DNAJC1: variants seen among roughly 807,000 people sequenced by gnomAD.
DNAJC1 encodes dnaJ homolog subfamily C member 1.
DNAJC1 carries 58 observed loss-of-function variants against 76.6 expected under a neutral mutation model. The ratio of observed to expected loss-of-function variants is 0.76; its 90% CI spans 0.61 to 0.94. The LOEUF (loss-of-function observed/expected upper bound fraction) is 0.94, where lower values mean the gene tolerates loss of function less well. DNAJC1 is among the 40% of genes least tolerant of loss of function. The probability of loss-of-function intolerance (pLI) is 0.00; values close to 1 mark genes in which losing one functional copy is unlikely to be tolerated. For missense variants in DNAJC1, 689 were observed against 677.3 expected, an observed-to-expected ratio of 1.02 and a Z score of -0.19; for synonymous variants, 258 against 267.9, an observed-to-expected ratio of 0.96 and a Z score of 0.36.
At chr10:21,977,270 A>G (rs1242683063) in intron 1 of DNAJC1, among the ~76,000 whole-genome samples, 4 of 152,176 alleles carry the variant, frequency 2.6e-5, no homozygotes, top group Non-Finnish European at 5.9e-5. Context: ...ACACACACAC[A>G]CACACAAAAT....
intron 8 of DNAJC1, among the ~76,000 whole-genome samples, chr10:21,875,284 T>C (rs1836167895): frequency 6.6e-6 from 1 of 152,174 alleles, no homozygotes. Context: ...GCCTCCCAAC[T>C]TGCTGAGACC....
chr10:21,821,234 A>C (rs1476559667), intron 8 of DNAJC1, among the ~76,000 whole-genome samples: 1 of 152,110 alleles, frequency 6.6e-6, no homozygotes, highest in Non-Finnish European at 1.5e-5. Flanking sequence ...AGAGAGAGAG[A>C]TTCTGTTTCC....
intron 9 of DNAJC1, among the ~76,000 whole-genome samples, chr10:21,797,839 G>GT (rs1474088312): frequency 6.6e-6 from 1 of 152,104 alleles, no homozygotes; most frequent in Admixed American, 6.5e-5. Context: ...CTCCAGAATT[G>GT]TAAGAAATAC....
At position 21,887,560 on chromosome 10, in the gene DNAJC1, CAG is replaced by C. The variant is rs538612833; in HGVS notation, c.821-5123_821-5122del. 2.3e-3 allele frequency among the ~76,000 whole-genome samples: 356 copies of C among 152,120 alleles called. 2 individuals are homozygous for C. The highest frequency in any genetic ancestry group is 0.017 in the Middle Eastern group (5 of 294). ...AGGCACATAGACCAATGGAACAGAA[CAG>C]AGAGCCCAGAAATAAGGCTGCACAC... On this transcript the variant is annotated intron_variant, in intron 7 of 11. Coordinates refer to ENST00000376980, the MANE Select transcript of DNAJC1 (RefSeq NM_022365.4).
intron 6 of DNAJC1, among the ~76,000 whole-genome samples, chr10:21,908,688 T>G (rs142336448): frequency 1.4e-4 from 22 of 152,112 alleles, no homozygotes; most frequent in Admixed American, 1.4e-3. Flanking sequence ...AATAAATATT[T>G]AATGAATAAT....
At chr10:21,780,579 T>G (rs923487116) in intron 9 of DNAJC1, among the ~76,000 whole-genome samples, 33 of 152,260 alleles carry the variant, frequency 2.2e-4, no homozygotes, top group African/African-American at 7.7e-4. Flanking sequence ...CTGCCCTAAA[T>G]GAGCTCCTGA....
chr10:21,952,360 A>G (rs1243447951), intron 1 of DNAJC1, among the ~76,000 whole-genome samples: 1 of 152,234 alleles, frequency 6.6e-6, no homozygotes. Flanking sequence ...TTAAAACAAT[A>G]GCTTTTTTTT....
intron 1 of DNAJC1, among the ~76,000 whole-genome samples, chr10:21,973,823 C>A (rs1277893125): frequency 6.6e-6 from 1 of 151,806 alleles, no homozygotes. Flanking sequence ...TGATTTTTGG[C>A]CAGGTGCGGT....
intron 8 of DNAJC1, among the ~76,000 whole-genome samples, chr10:21,819,365 C>T (rs1006711787): frequency 6.6e-6 from 1 of 151,858 alleles, no homozygotes; most frequent in Non-Finnish European, 1.5e-5. Flanking sequence ...CACGCCACTG[C>T]ACTCCATCCT....
chr10:21,890,219 C>G (rs573832480), intron 7 of DNAJC1, among the ~76,000 whole-genome samples: 1 of 151,900 alleles, frequency 6.6e-6, no homozygotes, highest in Admixed American at 6.6e-5. Context: ...TCAAGACCAG[C>G]CTGGCCAACA....
chr10:21,903,663 G>A (rs1226508692), intron 7 of DNAJC1, among the ~76,000 whole-genome samples: 5 of 152,098 alleles, frequency 3.3e-5, no homozygotes, highest in Non-Finnish European at 7.3e-5. Flanking sequence ...AACAGTCTCT[G>A]TTCTAAAGCT....
intron 9 of DNAJC1, among the ~76,000 whole-genome samples, chr10:21,799,383 C>T (rs1269720380): frequency 2.0e-5 from 3 of 152,110 alleles, no homozygotes; most frequent in Non-Finnish European, 4.4e-5. Flanking sequence ...ATTGCAACCT[C>T]GATCTCCTGG....
At chr10:21,923,751 G>T (rs1221143200) in intron 3 of DNAJC1, among the ~76,000 whole-genome samples, 1 of 151,618 alleles carries the variant, frequency 6.6e-6, no homozygotes, top group Non-Finnish European at 1.5e-5. Flanking sequence ...TAAAATAATG[G>T]TTACATACTC....
At chr10:21,946,248 G>A (rs1837503882) in intron 1 of DNAJC1, among the ~76,000 whole-genome samples, 1 of 151,588 alleles carries the variant, frequency 6.6e-6, no homozygotes, top group South Asian at 2.1e-4. Context: ...CATCGTGTTA[G>A]CCAGGATGGT....
intron 8 of DNAJC1, among the ~76,000 whole-genome samples, chr10:21,860,346 AATG>A (rs780031679): frequency 1.3e-5 from 2 of 152,256 alleles, no homozygotes; most frequent in East Asian, 1.9e-4. Flanking sequence ...TAAGATACTA[AATG>A]ATAAGAAAAC....
intron 8 of DNAJC1, among the ~76,000 whole-genome samples, chr10:21,830,947 T>C (rs1835348039): frequency 6.6e-6 from 1 of 152,246 alleles, no homozygotes; most frequent in Non-Finnish European, 1.5e-5. Flanking sequence ...TTCCTACTTT[T>C]ATCTCTTTAA....
intron 7 of DNAJC1, among the ~76,000 whole-genome samples, chr10:21,884,424 G>T (rs1351593224): frequency 6.6e-6 from 1 of 152,032 alleles, no homozygotes; most frequent in Non-Finnish European, 1.5e-5. Flanking sequence ...TGTACTGTTG[G>T]CAGGGAAAAG....
intron 1 of DNAJC1, among the ~76,000 whole-genome samples, chr10:21,934,365 G>A (rs1837276814): frequency 6.6e-6 from 1 of 152,010 alleles, no homozygotes; most frequent in Admixed American, 6.6e-5. Context: ...ATGTTACATA[G>A]TAAGCTATGG....
At position 21,759,588 on chromosome 10, in the gene DNAJC1, G is replaced by A; in HGVS notation, c.1178C>T (p.Thr393Ile). The change falls in exon 11 of 12, where the codon ACA becomes ATA. Residue 393 changes from threonine (T) to isoleucine (I), a missense_variant. Transcript: ENST00000376980. ...GMVRLSELKS[T>I]VQNSRPIKTA... ...TTTGATGGGCCTGGAATTCTGAACT[G>A]TCGATTTGAGTTCGGAGAGTCTAAC... is the stretch of plus-strand genomic sequence containing the variant. 1 of 1,614,088 alleles carries A rather than the reference G, an allele frequency of 6.2e-7. No homozygotes were observed.
Sources: allele counts gnomAD v4.1 joint callset (sites outside exome capture counted in the v4.1 genomes callset), GRCh38; gene constraint gnomAD v4.1.1; transcripts MANE v1.5; gene names NCBI Gene and HGNC (gene_info 2026-07-23, HGNC 2026-07-21).